Variants in HTT observed in about 807,000 individuals in gnomAD.
HTT encodes huntington disease protein.
A neutral mutation model predicts 362.3 loss-of-function variants in HTT; 104 were observed. The observed-to-expected ratio is 0.29, with a 90% CI of 0.24 to 0.34. HTT has a LOEUF of 0.34. Among genes scored for constraint, HTT ranks in the 10% least tolerant of loss-of-function variants. The pLI is 1.00. For synonymous variants in HTT, 1,577 were observed against 1,548.7 expected, an observed-to-expected ratio of 1.02 and a Z score of -0.43; for missense variants, 3,301 against 3,928.6, an observed-to-expected ratio of 0.84 and a Z score of 4.27.
chr4:3,157,111 G>T lies in HTT; in HGVS notation c.3665G>T (p.Ser1222Ile), dbSNP rs972610805. Residue 1222 changes from serine to isoleucine, a missense_variant, in exon 28 of 67, where the codon AGT becomes ATT. Ser to Ile is a moderately radical substitution (Grantham distance 142). Around this residue, in one of 4 missense-constraint regions of HTT, gnomAD observed 2,316 missense variants for 2,658.5 expected, o/e 0.87. Coordinates refer to ENST00000355072, the MANE Select transcript of HTT (RefSeq NM_001388492.1). ...QSDTSGPVTT[S>I]KSSSLGSFYH... ...GATACCTCAGGTCCTGTTACAACAAGTAAATCCTCATCACTGGGGAGTTTC... is the reference window on the plus strand; with the variant it reads ...GATACCTCAGGTCCTGTTACAACAATTAAATCCTCATCACTGGGGAGTTTC... 3.1e-6 allele frequency: 5 copies of T among 1,613,070 alleles called. No individual in the cohort carries two copies. In the African/African-American group the frequency reaches 6.7e-5, roughly 22 times the overall value.
chr4:3,204,097 C>T lies in HTT; in HGVS notation c.5667C>T (p.Cys1889=), dbSNP rs370970140. 1.1e-5 allele frequency: 18 copies of T among 1,613,960 alleles called. No homozygotes were observed. Among genetic ancestry groups the T allele is most frequent in the Non-Finnish European group, 1.5e-5 (18 of 1,179,954 alleles). Residue 1889 remains cysteine (C), a synonymous_variant, in exon 42 of 67, where the codon TGC becomes TGT. Coordinates refer to ENST00000355072, the MANE Select transcript of HTT (RefSeq NM_001388492.1). ...DSDLAAKLGM[C]NREIVRRGAL... ...ACTTGGCAGCCAAACTTGGAATGTGCAATAGAGAAATAGTACGAAGAGGGG... is the reference window on the plus strand; with the variant it reads ...ACTTGGCAGCCAAACTTGGAATGTGTAATAGAGAAATAGTACGAAGAGGGG...
At chr4:3,164,362 A>G (rs1425833932) in intron 29 of HTT, among the ~76,000 whole-genome samples, 1 of 152,136 alleles carries the variant, frequency 6.6e-6, no homozygotes, top group Non-Finnish European at 1.5e-5. Context: ...GGTCAGTTTT[A>G]GAATAAGTGC....
intron 2 of HTT, among the ~76,000 whole-genome samples, chr4:3,096,030 G>A (rs1384220910): frequency 6.6e-6 from 1 of 152,188 alleles, no homozygotes; most frequent in Non-Finnish European, 1.5e-5. Context: ...GTAACAGAAC[G>A]GAAAGAAGTT....
At chr4:3,179,273 A>G (rs1251192665) in intron 35 of HTT, among the ~76,000 whole-genome samples, 1 of 152,122 alleles carries the variant, frequency 6.6e-6, no homozygotes, top group Non-Finnish European at 1.5e-5. Flanking sequence ...ACGGCCTCAC[A>G]AGGGCTTCAG....
rs115303179 is a variant in HTT, at chr4:3,115,561, G to C, written c.889+116G>C. ...TAGACCAGGCTATTTGGCACTGGTT[G>C]ATTGAATGTGAACTGCACTGGGGCT... On this transcript the variant is annotated intron_variant, in intron 7 of 66. Transcript: ENST00000355072. 1.1e-3 allele frequency: 878 copies of C among 814,580 alleles called. 9 individuals carry two copies. In the African/African-American group the frequency reaches 0.013, roughly 12 times the overall value. 50.5% of individuals were successfully genotyped at this position (814,580 alleles called of 1,614,324 possible).
chr4:3,087,838 G>A (rs1052989330), intron 2 of HTT, among the ~76,000 whole-genome samples: 3 of 152,126 alleles, frequency 2.0e-5, no homozygotes, highest in African/African-American at 4.8e-5. Flanking sequence ...TGACAAAAAC[G>A]TGTGGTGATT....
In HTT at chr4:3,206,151, C is replaced by A. The variant is rs532686433; in HGVS notation, c.5719-345C>A. 6.6e-6 allele frequency among the ~76,000 whole-genome samples: 1 copy of A among 152,222 alleles called. No individual in the cohort carries two copies. Among genetic ancestry groups the A allele is most frequent in the Non-Finnish European group, 1.5e-5 (1 of 68,038 alleles). Reference sequence around the variant, plus strand: ...AGTGCTGTGGATGGGGTCATCCCAGCGCAACGCTGCCCCTGCTACCTGCGG... The same window carrying A: ...AGTGCTGTGGATGGGGTCATCCCAGAGCAACGCTGCCCCTGCTACCTGCGG... On this transcript the variant is annotated intron_variant, in intron 42 of 66. Transcript: ENST00000355072. The surrounding 1 kb of genome is among the most constrained non-coding windows in gnomAD (Gnocchi z 4.6).
intron 6 of HTT, among the ~76,000 whole-genome samples, chr4:3,113,451 T>A (rs1240387929): frequency 6.6e-6 from 1 of 152,108 alleles, no homozygotes; most frequent in Non-Finnish European, 1.5e-5. Context: ...TGCCTCAGCT[T>A]CTCAAGTAGC....
chr4:3,152,645 C>T (rs955809623), intron 26 of HTT, among the ~76,000 whole-genome samples: 1 of 152,028 alleles, frequency 6.6e-6, no homozygotes, highest in Non-Finnish European at 1.5e-5. Flanking sequence ...AGTCAGTGAG[C>T]TTGTGACTGG....
intron 44 of HTT, 108 bp from the exon 45 acceptor site, chr4:3,207,173 C>T (rs558365763): frequency 2.7e-6 from 3 of 1,118,388 alleles, no homozygotes; most frequent in East Asian, 2.5e-5. Flanking sequence ...TTCTAGTCTG[C>T]CCTTACTAGG....
chr4:3,090,510 C>A (rs184373685), intron 2 of HTT, among the ~76,000 whole-genome samples: 1 of 152,124 alleles, frequency 6.6e-6, no homozygotes, highest in Non-Finnish European at 1.5e-5. Context: ...ATACAAAAAT[C>A]CATAGATCTC....
chr4:3,229,449 C>T (rs1368227383), intron 59 of HTT, among the ~76,000 whole-genome samples: 4 of 151,124 alleles, frequency 2.6e-5, no homozygotes, highest in Non-Finnish European at 5.9e-5. Context: ...GCACCACACA[C>T]ATGCCACATG....
At chr4:3,226,933 C>G (rs1418138886) in intron 57 of HTT, among the ~76,000 whole-genome samples, 1 of 152,206 alleles carries the variant, frequency 6.6e-6, no homozygotes, top group Non-Finnish European at 1.5e-5. Flanking sequence ...TGTCCTTTCA[C>G]CTTTGACAGA....
At position 3,131,786 on chromosome 4, in the gene HTT, A is replaced by G; in HGVS notation, c.2236+11A>G. The G allele has an allele frequency of 6.2e-7, 1 of 1,606,048 alleles. No homozygotes were observed. Among genetic ancestry groups the G allele is most frequent in the Non-Finnish European group, 8.5e-7 (1 of 1,175,686 alleles). On this transcript the variant is annotated intron_variant, in intron 16 of 66. Transcript: ENST00000355072. ...CCACGGAATACCCTGGTATGTTAAA[A>G]GTTCACATCTTATTTTCTCAGATTT...
At chr4:3,101,095 G>C (rs572398021) in intron 3 of HTT, among the ~76,000 whole-genome samples, 1 of 152,194 alleles carries the variant, frequency 6.6e-6, no homozygotes, top group African/African-American at 2.4e-5. Flanking sequence ...GCTATCCCAG[G>C]TTGCCTTGGT....
intron 60 of HTT, among the ~76,000 whole-genome samples, chr4:3,232,115 G>C (rs907513394): frequency 6.6e-6 from 1 of 152,176 alleles, no homozygotes; most frequent in Non-Finnish European, 1.5e-5. Context: ...ACCTGGGGCC[G>C]TACGCAGTCC....
intron 1 of HTT, among the ~76,000 whole-genome samples, chr4:3,082,189 G>A (rs1712948543): frequency 6.6e-6 from 1 of 152,144 alleles, no homozygotes; most frequent in Non-Finnish European, 1.5e-5. Context: ...TAATTGCTAT[G>A]TAATATTTTA....
At position 3,146,843 on chromosome 4, in the gene HTT, G is replaced by A. The variant is rs35892913; in HGVS notation, c.3190G>A (p.Val1064Ile). Residue 1064 changes from valine to isoleucine, a missense_variant, in exon 25 of 67, where the codon GTT becomes ATT. This residue lies in a region of HTT where 2,316 missense variants were observed against 2,658.5 expected (regional missense o/e 0.87). Transcript: ENST00000355072. ...AGATGAGTCTAGGAAGAGCTGTACC[G>A]TTGGGATGGCCACAATGATTCTGAC... ...ASDESRKSCT[V>I]GMATMILTLL... The A allele has an allele frequency of 0.053, 85,702 of 1,613,910 alleles. 2,535 individuals are homozygous for A. The highest frequency in any genetic ancestry group is 0.062 in the Non-Finnish European group (73,355 of 1,179,792).
chr4:3,242,496 T>G lies in HTT; in HGVS notation c.*2437T>G, dbSNP rs1393966138. The G allele has an allele frequency of 6.6e-6, 1 of 152,204 alleles. No individual in the cohort carries two copies. Among genetic ancestry groups the G allele is most frequent in the Non-Finnish European group, 1.5e-5 (1 of 68,054 alleles). The allele number at this position is 152,204 out of a possible 1,614,324, so 9.4% of individuals were successfully genotyped here. A position where few individuals can be genotyped will look rare whatever the true frequency, so the allele number is the denominator to read the frequency against. On this transcript the variant is annotated 3_prime_UTR_variant, in exon 67 of 67. Coordinates refer to ENST00000355072, the MANE Select transcript of HTT (RefSeq NM_001388492.1). ...GCCCGTGTCGGTTCTTCCTGGAAGT[T>G]GACTTTCCTTAGACCCGCCAGGTCA...
Sources: allele counts gnomAD v4.1 joint callset (sites outside exome capture counted in the v4.1 genomes callset), GRCh38; gene constraint gnomAD v4.1.1; regional missense constraint gnomAD v4.1.1; non-coding constraint Gnocchi (gnomAD v3.1); transcripts MANE v1.5; gene names NCBI Gene and HGNC (gene_info 2026-07-23, HGNC 2026-07-21).